LRRC37A2: variants seen among roughly 807,000 people sequenced by gnomAD.
LRRC37A2 encodes the protein leucine-rich repeat-containing protein 37A2.
Under a neutral mutation model 68.8 loss-of-function variants are expected in LRRC37A2, and 9 were observed. The observed-to-expected ratio is 0.13, with a 90% confidence interval of 0.08 to 0.23. The LOEUF is 0.23. Among genes scored for constraint, LRRC37A2 ranks in the 10% least tolerant of loss-of-function variants. The probability of loss-of-function intolerance (pLI) is 1.00; values close to 1 mark genes in which losing one functional copy is unlikely to be tolerated. For synonymous variants in LRRC37A2, 63 were observed against 367.6 expected, an observed-to-expected ratio of 0.17 and a Z score of 9.48; for missense variants, 168 against 950.4, an observed-to-expected ratio of 0.18 and a Z score of 10.82.
chr17:46,726,549 A>G, the LRRC37A2 span: 3 of 1,613,894 alleles, frequency 1.9e-6, no homozygotes, highest in South Asian at 3.3e-5. Context: ...TTTCTTTCAG[A>G]TCTTTGATGA....
the LRRC37A2 span, among the ~76,000 whole-genome samples, chr17:46,413,541 AT>A: frequency 3.3e-5 from 1 of 30,544 alleles, no homozygotes; most frequent in East Asian, 6.5e-4. Context: ...CCTACTCCTC[AT>A]TTAGGAACCT....
the LRRC37A2 span, among the ~76,000 whole-genome samples, chr17:46,730,368 T>G: frequency 6.6e-6 from 1 of 152,176 alleles, no homozygotes; most frequent in Non-Finnish European, 1.5e-5. Context: ...GAAGATTAAC[T>G]TCAGTGCTAT....
chr17:46,917,831 T>C, the LRRC37A2 span, among the ~76,000 whole-genome samples: 2 of 152,230 alleles, frequency 1.3e-5, no homozygotes, highest in East Asian at 1.9e-4. Flanking sequence ...GGTATTTGAA[T>C]AACAATGTTG....
At chr17:46,897,199 A>T in the LRRC37A2 span, among the ~76,000 whole-genome samples, 1 of 152,200 alleles carries the variant, frequency 6.6e-6, no homozygotes, top group South Asian at 2.1e-4. Flanking sequence ...AGCTGCGGCC[A>T]ATGCCTACAG....
At chr17:47,029,244 T>C in the LRRC37A2 span, among the ~76,000 whole-genome samples, 2 of 151,774 alleles carry the variant, frequency 1.3e-5, no homozygotes, top group Non-Finnish European at 2.9e-5. Flanking sequence ...TGAGCCACCA[T>C]GCCTGGCCAA....
In LRRC37A2 at chr17:46,518,620, AAG is replaced by A. The variant is rs1332103380; in HGVS notation, c.2681+1188_2681+1189del. On this transcript the variant is annotated intron_variant, in intron 3 of 14. Transcript: ENST00000576629. Reference sequence around the variant, plus strand: ...TTTTGCTGAAGTTATGGATGAATAAAAGGGATTCCATCTAAATGTGAATTTTT... The same window carrying A: ...TTTTGCTGAAGTTATGGATGAATAAAGGATTCCATCTAAATGTGAATTTTT... Among the ~76,000 whole-genome samples, 4 of 76,212 alleles carry A rather than the reference AAG, an allele frequency of 5.2e-5. No homozygotes were observed. The East Asian group carries it at 1.1e-3, about 22-fold the overall frequency. 50.0% of individuals were successfully genotyped at this position (76,212 alleles called of 152,430 possible). A position where few individuals can be genotyped will look rare whatever the true frequency, so the allele number is the denominator to read the frequency against.
At chr17:46,472,831 C>T in the LRRC37A2 span, among the ~76,000 whole-genome samples, 2 of 39,348 alleles carry the variant, frequency 5.1e-5, no homozygotes, top group Non-Finnish European at 1.2e-4. Context: ...AGGAGAATGG[C>T]GTGAACCCGG....
chr17:46,829,632 T>A, the LRRC37A2 span, among the ~76,000 whole-genome samples: 10 of 152,286 alleles, frequency 6.6e-5, no homozygotes, highest in South Asian at 1.9e-3. Context: ...CAGGAGCACT[T>A]CCTAAAGTCT....
the LRRC37A2 span, among the ~76,000 whole-genome samples, chr17:46,990,674 C>CT: frequency 0.26 from 38,711 of 149,526 alleles, 6,320 homozygotes; most frequent in Non-Finnish European, 0.38. Context: ...ACACAAAATG[C>CT]TTTTTTTTTT....
the LRRC37A2 span, among the ~76,000 whole-genome samples, chr17:46,928,193 C>T: frequency 2.0e-5 from 3 of 152,168 alleles, no homozygotes; most frequent in African/African-American, 7.2e-5. Flanking sequence ...TGCCTAGGAG[C>T]ACCCTGGGGA....
At chr17:46,925,468 C>A in the LRRC37A2 span, among the ~76,000 whole-genome samples, 3 of 152,218 alleles carry the variant, frequency 2.0e-5, no homozygotes, top group Non-Finnish European at 4.4e-5. Flanking sequence ...CTTTCCTCTC[C>A]AGTGCTGAAC....
At chr17:46,495,467 C>CTCACTGAAGCT in the LRRC37A2 span, among the ~76,000 whole-genome samples, 1 of 149,180 alleles carries the variant, frequency 6.7e-6, no homozygotes, top group African/African-American at 2.6e-5. Context: ...TCACTGAAGC[C>CTCACTGAAGCT]TCCACCTCCC....
chr17:46,472,626 G>A, the LRRC37A2 span, among the ~76,000 whole-genome samples: 3 of 13,024 alleles, frequency 2.3e-4, no homozygotes, highest in Non-Finnish European at 5.4e-4. Context: ...TCATATCATC[G>A]GCCAGGCGCG....
the LRRC37A2 span, among the ~76,000 whole-genome samples, chr17:46,857,012 T>A: frequency 6.6e-6 from 1 of 152,190 alleles, no homozygotes; most frequent in East Asian, 1.9e-4. Context: ...CATGAAATTG[T>A]GAGTATATAG....
At chr17:46,394,651 C>A in the LRRC37A2 span, among the ~76,000 whole-genome samples, 2 of 66,210 alleles carry the variant, frequency 3.0e-5, no homozygotes, top group Non-Finnish European at 8.3e-5. Context: ...AAGACAGTAA[C>A]AAGTTTTGAT....
chr17:46,938,783 A>ACGTT, the LRRC37A2 span: 1 of 1,613,372 alleles, frequency 6.2e-7, no homozygotes, highest in Non-Finnish European at 8.5e-7. Context: ...CAGTGGCTGA[A>ACGTT]CAGCATTCCC....
the LRRC37A2 span, among the ~76,000 whole-genome samples, chr17:46,899,308 G>T: frequency 6.6e-6 from 1 of 152,100 alleles, no homozygotes. Context: ...GGAGGCTGAG[G>T]TGGGAGGATG....
chr17:46,793,737 C>T, the LRRC37A2 span, among the ~76,000 whole-genome samples: 1 of 152,188 alleles, frequency 6.6e-6, no homozygotes, highest in East Asian at 1.9e-4. Context: ...GGGTAGATGA[C>T]ACACGTTCCC....
At chr17:46,470,556 G>C in the LRRC37A2 span, among the ~76,000 whole-genome samples, 4 of 82,872 alleles carry the variant, frequency 4.8e-5, no homozygotes, top group African/African-American at 1.4e-4. Flanking sequence ...GCTCATGCCT[G>C]TAATCCTAGC....
Sources: allele counts gnomAD v4.1 joint callset (sites outside exome capture counted in the v4.1 genomes callset), GRCh38; gene constraint gnomAD v4.1.1; transcripts MANE v1.5; gene names NCBI Gene and HGNC (gene_info 2026-07-23, HGNC 2026-07-21).